Variants in MACF1 observed in about 807,000 individuals in gnomAD.
MACF1 encodes microtubule actin crosslinking factor 1.
In MACF1, 193 loss-of-function variants were observed where a neutral mutation model predicts 854.8. The ratio of observed to expected loss-of-function variants is 0.23; its 90% CI spans 0.20 to 0.25. The LOEUF (loss-of-function observed/expected upper bound fraction) is 0.25, where lower values mean the gene tolerates loss of function less well. Among genes scored for constraint, MACF1 ranks in the 10% least tolerant of loss-of-function variants. The pLI, the probability that MACF1 is intolerant of heterozygous loss-of-function variation, is 1.00. For missense variants in MACF1, 7,722 were observed against 8,929.1 expected, an observed-to-expected ratio of 0.86 and a Z score of 5.45; for synonymous variants, 3,185 against 3,226.7, an observed-to-expected ratio of 0.99 and a Z score of 0.44.
At chr1:39,305,923 T>C (rs911863846) in intron 23 of MACF1, among the ~76,000 whole-genome samples, 2 of 152,302 alleles carry the variant, frequency 1.3e-5, no homozygotes, top group South Asian at 2.1e-4. Flanking sequence ...CCACTCTCTG[T>C]CTTCTTTACT....
rs1301102750 is a variant in MACF1, at chr1:39,266,616, T to TC, written c.528+8588_528+8589insC. Among the ~76,000 whole-genome samples, 9 of 147,736 alleles carry TC rather than the reference T, an allele frequency of 6.1e-5. No individual in the cohort carries two copies. In the East Asian group the frequency reaches 1.8e-3, roughly 29 times the overall value. ...TTCCTTTTTTTTTTTTTTTTTTTTT[T>TC]TTTCAGGTCTCCAGGAAAGATAGTT... On this transcript the variant is annotated intron_variant, in intron 6 of 100. Transcript: ENST00000564288.
At chr1:39,298,958 A>T (rs1229587765) in intron 21 of MACF1, among the ~76,000 whole-genome samples, 2 of 151,952 alleles carry the variant, frequency 1.3e-5, no homozygotes, top group African/African-American at 4.8e-5. Flanking sequence ...TGGCGGCGTC[A>T]TCGGGGCATG....
intron 58 of MACF1, among the ~76,000 whole-genome samples, chr1:39,403,063 T>G (rs1642539975): frequency 1.4e-5 from 2 of 140,340 alleles, no homozygotes; most frequent in South Asian, 2.2e-4. Flanking sequence ...TTTGGTTTGG[T>G]TTTTTTTTTG....
chr1:39,237,715 ATTCT>A (rs1040107597), intron 2 of MACF1, among the ~76,000 whole-genome samples: 1 of 151,040 alleles, frequency 6.6e-6, no homozygotes, highest in African/African-American at 2.4e-5. Context: ...CCCCCAGCTG[ATTCT>A]TTTTTTTTTT....
At position 39,353,225 on chromosome 1, in the gene MACF1, G is replaced by A. The variant is rs1647253318; in HGVS notation, c.11418G>A (p.Met3806Ile). The A allele has an allele frequency of 6.2e-7, 1 of 1,602,770 alleles. No individual in the cohort carries two copies. The highest frequency in any genetic ancestry group is 8.5e-7 in the Non-Finnish European group (1 of 1,171,102). Residue 3806 changes from methionine (M) to isoleucine (I), a missense_variant, in exon 44 of 101, where the codon ATG becomes ATA. Coordinates refer to ENST00000564288, the MANE Select transcript of MACF1 (RefSeq NM_001394062.1). Reference protein sequence around the residue: ...APEKLDKQCEMMKARHQELLS... With the variant: ...APEKLDKQCEIMKARHQELLS... ...AGAAACTGGACAAGCAATGTGAGAT[G>A]ATGAAGGTAAGGGTGTTAGCTTATC...
intron 2 of MACF1, among the ~76,000 whole-genome samples, chr1:39,245,748 C>G (rs1326469155): frequency 6.6e-6 from 1 of 152,124 alleles, no homozygotes; most frequent in Non-Finnish European, 1.5e-5. Flanking sequence ...TTTATTCATT[C>G]ATTTATTTAT....
At chr1:39,406,536 C>T (rs1486610698) in intron 58 of MACF1, among the ~76,000 whole-genome samples, 1 of 151,980 alleles carries the variant, frequency 6.6e-6, no homozygotes, top group African/African-American at 2.4e-5. Context: ...GTCAGGTCAC[C>T]AGCCTGGCCA....
rs1642194605 is a variant in MACF1, at chr1:39,105,189, AG to A, written c.220+20752del. Among the ~76,000 whole-genome samples, 1 of 150,444 alleles carries A rather than the reference AG, an allele frequency of 6.6e-6. No individual in the cohort carries two copies. Among genetic ancestry groups the A allele is most frequent in the South Asian group, 2.1e-4 (1 of 4,798 alleles). On this transcript the variant is annotated intron_variant, in intron 2 of 93. Transcript: ENST00000361689. This position sits in a 1 kb window ranked among gnomAD's most constrained non-coding sequence, Gnocchi z 5.9. ...CAGTCCGGGCCGGGCGGGGGTCGGCAGCCCCTGGGGGACCCGTGTGGGCAGC... is the reference window on the plus strand; with the variant it reads ...CAGTCCGGGCCGGGCGGGGGTCGGCACCCCTGGGGGACCCGTGTGGGCAGC...
intron 3 of MACF1, among the ~76,000 whole-genome samples, chr1:39,251,325 C>G (rs761541029): frequency 1.3e-5 from 2 of 152,148 alleles, no homozygotes; most frequent in Non-Finnish European, 2.9e-5. Flanking sequence ...ATTTTACTTT[C>G]ATTGTGCTGG....
chr1:39,113,047 C>T (rs958098692), intron 2 of MACF1, among the ~76,000 whole-genome samples: 1 of 152,084 alleles, frequency 6.6e-6, no homozygotes, highest in Non-Finnish European at 1.5e-5. Context: ...TGCGGCTTCC[C>T]AGAGAGTAGA....
chr1:39,180,577 C>G (rs1234282321), intron 2 of MACF1, among the ~76,000 whole-genome samples: 1 of 152,198 alleles, frequency 6.6e-6, no homozygotes, highest in Non-Finnish European at 1.5e-5. Context: ...GATTGCGCCA[C>G]TAGACTCCAG....
intron 58 of MACF1, among the ~76,000 whole-genome samples, chr1:39,417,559 T>TG (rs1264789734): frequency 6.6e-6 from 1 of 151,648 alleles, no homozygotes; most frequent in Non-Finnish European, 1.5e-5. Context: ...TTTTTGTTTT[T>TG]TTTTTTAGAC....
At chr1:39,308,592 A>T (rs1022996527) in intron 23 of MACF1, among the ~76,000 whole-genome samples, 3 of 152,092 alleles carry the variant, frequency 2.0e-5, no homozygotes, top group Non-Finnish European at 4.4e-5. Flanking sequence ...TCTTCCTGAA[A>T]TCAAGATTGA....
intron 44 of MACF1, among the ~76,000 whole-genome samples, chr1:39,353,662 G>A (rs1219140371): frequency 6.6e-6 from 1 of 151,896 alleles, no homozygotes; most frequent in East Asian, 1.9e-4. Context: ...TGCAACTTGG[G>A]CCCATAAGCA....
At chr1:39,340,420 G>C (rs930172985) in intron 38 of MACF1, 82 bp from the exon 39 acceptor site, 1 of 954,382 alleles carries the variant, frequency 1.0e-6, no homozygotes, top group African/African-American at 1.6e-5. Context: ...TAGACATGGG[G>C]TGAGAGAGAA....
In MACF1 at chr1:39,317,370, G is replaced by A. The variant is rs770263434; in HGVS notation, c.3745G>A (p.Glu1249Lys). 6 of 1,613,280 alleles carry A rather than the reference G, an allele frequency of 3.7e-6. No individual in the cohort carries two copies. The highest frequency in any genetic ancestry group is 5.1e-6 in the Non-Finnish European group (6 of 1,179,922). ...TCAGGAAAAAGGCTCCCAGCTGCAG[G>A]AGCGTTGGCACCGAGTCATTGCCCA... is the stretch of plus-strand genomic sequence containing the variant. ...RYQEKGSQLQ[E>K]RWHRVIAQLE... The change falls in exon 29 of 101, where the codon GAG (glutamate) becomes AAG (lysine). Residue 1249 changes from glutamate (E) to lysine (K), a missense_variant. Physicochemically the swap from Glu to Lys is moderately conservative, Grantham distance 56. Coordinates refer to ENST00000564288, the MANE Select transcript of MACF1 (RefSeq NM_001394062.1).
At chr1:39,345,570 C>T (rs887900001) in intron 40 of MACF1, among the ~76,000 whole-genome samples, 1 of 152,166 alleles carries the variant, frequency 6.6e-6, no homozygotes, top group Non-Finnish European at 1.5e-5. Flanking sequence ...TTGTATGCAT[C>T]ACTGCACTCC....
chr1:39,316,688 G>T (rs548656339), intron 28 of MACF1, among the ~76,000 whole-genome samples, 159 bp downstream of exon 28: 5 of 152,188 alleles, frequency 3.3e-5, no homozygotes, highest in Non-Finnish European at 7.3e-5. Flanking sequence ...CAAAGAAGAA[G>T]GGACTGAGAA....
At chr1:39,295,260 A>G in intron 19 of MACF1, 110 bp downstream of exon 19, 1 of 873,060 alleles carries the variant, frequency 1.1e-6, no homozygotes, top group South Asian at 1.5e-5. Flanking sequence ...GTGTCAGGGA[A>G]CATTTGTCTT....
Sources: gnomAD v4.1 joint callset for allele counts (sites outside exome capture counted in the v4.1 genomes callset) on GRCh38, gnomAD v4.1.1 for gene constraint, Gnocchi (gnomAD v3.1) non-coding constraint, MANE v1.5 for transcripts, NCBI Gene and HGNC (gene_info 2026-07-23, HGNC 2026-07-21) for gene names.